Variants in WDR17 observed in about 807,000 individuals in gnomAD.
WDR17 encodes WD repeat-containing protein 17.
Under a neutral mutation model 161.7 loss-of-function variants are expected in WDR17, and 143 were observed. That is an observed-to-expected ratio of 0.88 (90% CI 0.77 to 1.02). WDR17 has a LOEUF of 1.02. Ranked by LOEUF, WDR17 falls within the 50% of genes least tolerant of loss-of-function variation. The pLI, the probability that WDR17 is intolerant of heterozygous loss-of-function variation, is 0.00. For synonymous variants in WDR17, 517 were observed against 515.6 expected (o/e 1.00, Z -0.04); for missense variants, 1,469 against 1,520.9 (o/e 0.97, Z 0.57).
Position 176,172,506 on chromosome 4 carries a change from C to G in WDR17, c.3234C>G (p.Ser1078Arg). 1 of 1,590,742 alleles carries G rather than the reference C, an allele frequency of 6.3e-7. No individual in the cohort carries two copies. The highest frequency in any genetic ancestry group is 8.5e-7 in the Non-Finnish European group (1 of 1,173,924). Residue 1078 changes from serine to arginine, a missense_variant, in exon 24 of 29, where the codon AGC becomes AGG. Transcript: ENST00000508596. ...EPEKALPIGI[S>R]FVKEYISSSD... Reference sequence around the variant, plus strand: ...AAAAAGCCCTTCCTATTGGTATTAGCTTTGTTAAAGGTAAGTAATTAGTTG... The same window carrying G: ...AAAAAGCCCTTCCTATTGGTATTAGGTTTGTTAAAGGTAAGTAATTAGTTG...
chr4:176,177,000 C>T, intron 26 of WDR17, 58 bp from the exon 27 acceptor site: 2 of 1,237,034 alleles, frequency 1.6e-6, no homozygotes, highest in Admixed American at 3.5e-5. Context: ...AGTTTGTTTG[C>T]TTTTTCTGAT....
Position 176,174,681 on chromosome 4 carries a change from T to C in WDR17, c.3412T>C (p.Tyr1138His). The C allele has an allele frequency of 6.2e-7, 1 of 1,612,072 alleles. No homozygotes were observed. Among genetic ancestry groups the C allele is most frequent in the South Asian group, 1.1e-5 (1 of 90,838 alleles). ...TGCATTACTGGCTATCAGAAGACAG[T>C]ACCAAAGCATTGTTCCAGCACTTTA... ...IGALLAIRRQ[Y>H]QSIVPALYEY... Residue 1138 changes from tyrosine to histidine, a missense_variant, in exon 26 of 29, where the codon TAC (tyrosine) becomes CAC (histidine). Physicochemically the swap from Tyr to His is moderately conservative, Grantham distance 83 (BLOSUM62 2). Coordinates refer to ENST00000508596, the MANE Select transcript of WDR17 (RefSeq NM_181265.4).
chr4:176,128,809 A>G lies in WDR17; in HGVS notation c.862A>G (p.Lys288Glu). Residue 288 changes from lysine to glutamate, a missense_variant, in exon 6 of 29, where the codon AAA becomes GAA. Transcript: ENST00000508596. ...ACCTATTGATAATCTTAAATTAAAG[A>G]AAACAGGATTTCACTGCTTACATGT... Reference protein sequence around the residue: ...TTPIDNLKLKKTGFHCLHVLN... With the variant: ...TTPIDNLKLKETGFHCLHVLN... 6.2e-7 allele frequency: 1 copy of G among 1,607,050 alleles called. No individual in the cohort carries two copies. Among genetic ancestry groups the G allele is most frequent in the Non-Finnish European group, 8.5e-7 (1 of 1,177,026 alleles).
intron 14 of WDR17, 41 bp from the exon 15 acceptor site, chr4:176,150,002 T>C (rs913481023): frequency 2.6e-5 from 42 of 1,610,752 alleles, no homozygotes; most frequent in Non-Finnish European, 3.5e-5. Flanking sequence ...AAATAAGTTT[T>C]ATGAGAAATC....
At chr4:176,106,190 G>A (rs1390498955) in intron 1 of WDR17, among the ~76,000 whole-genome samples, 1 of 151,934 alleles carries the variant, frequency 6.6e-6, no homozygotes, top group Admixed American at 6.6e-5. Flanking sequence ...AAAACTTGTT[G>A]CAATACTACA....
rs1752127008 is a variant in WDR17, at chr4:176,181,263, T to C, written c.*1684T>C. ...ATGGGCAGATCTTGAGGTCGGTAGATGGAGACCATCCTGGCCAACATGGTG... is the reference window on the plus strand; with the variant it reads ...ATGGGCAGATCTTGAGGTCGGTAGACGGAGACCATCCTGGCCAACATGGTG... On this transcript the variant is annotated 3_prime_UTR_variant, in exon 29 of 29. Transcript: ENST00000508596. The C allele has an allele frequency of 1.3e-5, 2 of 152,038 alleles. No homozygotes were observed. The highest frequency in any genetic ancestry group is 1.3e-4 in the Admixed American group (2 of 15,244). The allele number at this position is 152,038 out of a possible 1,614,324, so 9.4% of individuals were successfully genotyped here. A position where few individuals can be genotyped will look rare whatever the true frequency, so the allele number is the denominator to read the frequency against.
Position 176,154,786 on chromosome 4 carries a change from G to A in WDR17, c.2461-1293G>A, listed in dbSNP as rs1579208810. Among the ~76,000 whole-genome samples, 3 of 152,204 alleles carry A rather than the reference G, an allele frequency of 2.0e-5. No homozygotes were observed. The South Asian group carries it at 6.2e-4, about 32-fold the overall frequency. On this transcript the variant is annotated intron_variant, in intron 17 of 28. Coordinates refer to ENST00000508596, the MANE Select transcript of WDR17 (RefSeq NM_181265.4). ...AATTACCAATTTTCTAGTGATAATT[G>A]CAATAGAACCCTAGTGTTTTGAAAA...
rs770701279 is a variant in WDR17, at chr4:176,179,523, G to T, written c.3796G>T (p.Ala1266Ser). 1.2e-6 allele frequency: 2 copies of T among 1,606,288 alleles called. No homozygotes were observed. The highest frequency in any genetic ancestry group is 4.5e-5 in the East Asian group (2 of 44,494). The change falls in exon 29 of 29, where the codon GCA becomes TCA. Residue 1266 changes from alanine (A) to serine (S), a missense_variant. Ala to Ser is a moderately conservative substitution (Grantham distance 99). Transcript: ENST00000508596. Reference protein sequence around the residue: ...AISLNDALMWAKVNPFSPLGT... With the variant: ...AISLNDALMWSKVNPFSPLGT... ...CTCCTTGAATGATGCTTTGATGTGG[G>T]CAAAGGTGAATCCATTCTCACCTTT...
At chr4:176,081,321 G>A (rs142690981) in intron 1 of WDR17, among the ~76,000 whole-genome samples, 16 of 152,092 alleles carry the variant, frequency 1.1e-4, no homozygotes, top group East Asian at 5.8e-4. Flanking sequence ...ATTCTGTCTC[G>A]CCTGTCTGTT....
At chr4:176,173,839 A>T (rs1379916299) in intron 25 of WDR17, among the ~76,000 whole-genome samples, 1 of 151,510 alleles carries the variant, frequency 6.6e-6, no homozygotes, top group Admixed American at 6.6e-5. Flanking sequence ...TAAGAAAAAA[A>T]ATGTAGAGGT....
intron 17 of WDR17, among the ~76,000 whole-genome samples, chr4:176,154,656 G>T (rs1034577954): frequency 1.3e-5 from 2 of 152,054 alleles, no homozygotes; most frequent in East Asian, 3.8e-4. Flanking sequence ...GTTAGAGAGA[G>T]ATTTCCCCTG....
intron 18 of WDR17, among the ~76,000 whole-genome samples, chr4:176,157,885 G>A (rs1748410173): frequency 6.6e-6 from 1 of 152,132 alleles, no homozygotes; most frequent in African/African-American, 2.4e-5. Flanking sequence ...GAGCTATAAA[G>A]AATACATAGG....
chr4:176,174,614 T>C lies in WDR17; in HGVS notation c.3348-3T>C. On this transcript the variant is annotated splice_region_variant and splice_polypyrimidine_tract_variant and intron_variant, in intron 25 of 28. Transcript: ENST00000508596. ...TTATAAAAATAAATATATTCTCTTTTAGAGCTCGAAATGAGTTGCTGATAT... is the reference window on the plus strand; with the variant it reads ...TTATAAAAATAAATATATTCTCTTTCAGAGCTCGAAATGAGTTGCTGATAT... 2 of 1,600,928 alleles carry C rather than the reference T, an allele frequency of 1.2e-6. No homozygotes were observed. Among genetic ancestry groups the C allele is most frequent in the Non-Finnish European group, 1.7e-6 (2 of 1,172,358 alleles).
intron 3 of WDR17, among the ~76,000 whole-genome samples, chr4:176,117,486 C>A (rs1305041718): frequency 6.6e-6 from 1 of 152,008 alleles, no homozygotes; most frequent in Non-Finnish European, 1.5e-5. Context: ...TAGGTTATAA[C>A]TGCATATAAT....
chr4:176,068,984 A>C (rs986293042), intron 1 of WDR17, among the ~76,000 whole-genome samples: 4 of 152,224 alleles, frequency 2.6e-5, no homozygotes, highest in Non-Finnish European at 5.9e-5. Flanking sequence ...TAAAATGATC[A>C]GCTTTGTATA....
chr4:176,134,533 A>G (rs996790087), intron 7 of WDR17, among the ~76,000 whole-genome samples: 10 of 151,692 alleles, frequency 6.6e-5, no homozygotes, highest in African/African-American at 2.4e-4. Flanking sequence ...GGGAACAAGT[A>G]TTCAGGTTCC....
intron 22 of WDR17, among the ~76,000 whole-genome samples, chr4:176,166,775 A>C (rs953038530): frequency 6.6e-6 from 1 of 152,188 alleles, no homozygotes; most frequent in Non-Finnish European, 1.5e-5. Context: ...CATGCATTTT[A>C]GCATGAACAG....
chr4:176,172,468 A>G lies in WDR17; in HGVS notation c.3196A>G (p.Ser1066Gly). ...TGAAACTGTAAAATATTACTTGTTA[A>G]GTCAAGAACCTGAAAAAGCCCTTCC... is the stretch of plus-strand genomic sequence containing the variant. ...IFETVKYYLL[S>G]QEPEKALPIG... Residue 1066 changes from serine (S) to glycine (G), a missense_variant, in exon 24 of 29, where the codon AGT becomes GGT. Coordinates refer to ENST00000508596, the MANE Select transcript of WDR17 (RefSeq NM_181265.4). The G allele has an allele frequency of 6.2e-7, 1 of 1,610,228 alleles. No homozygotes were observed. Among genetic ancestry groups the G allele is most frequent in the Non-Finnish European group, 8.5e-7 (1 of 1,179,126 alleles).
intron 1 of WDR17, among the ~76,000 whole-genome samples, chr4:176,072,044 C>T (rs913955884): frequency 6.6e-6 from 1 of 152,170 alleles, no homozygotes; most frequent in Non-Finnish European, 1.5e-5. Context: ...TTCTTCTCTA[C>T]TTGCTACCTA....
Sources: gnomAD v4.1 joint callset for allele counts (sites outside exome capture counted in the v4.1 genomes callset) on GRCh38, gnomAD v4.1.1 for gene constraint, MANE v1.5 for transcripts, NCBI Gene and HGNC (gene_info 2026-07-23, HGNC 2026-07-21) for gene names.